The following ANKRD13A variants were observed in gnomAD, a reference collection of about 807,000 sequenced individuals.
ANKRD13A encodes the protein ankyrin repeat domain-containing protein 13A.
ANKRD13A carries 48 observed loss-of-function variants against 81.3 expected under a neutral mutation model. That is an observed-to-expected ratio of 0.59 (90% CI 0.47 to 0.75). The LOEUF (loss-of-function observed/expected upper bound fraction) is 0.75. Among genes scored for constraint, ANKRD13A ranks in the 30% least tolerant of loss-of-function variants. ANKRD13A has a pLI of 0.00. For synonymous variants in ANKRD13A, 230 were observed against 270.1 expected (o/e 0.85, Z 1.45); for missense variants, 612 against 734.0 (o/e 0.83, Z 1.92).
At position 110,016,434 on chromosome 12, in the gene ANKRD13A, G is replaced by A; in HGVS notation, c.400+1G>A. 1.3e-6 allele frequency: 2 copies of A among 1,592,704 alleles called. No individual in the cohort carries two copies. Among genetic ancestry groups the A allele is most frequent in the Non-Finnish European group, 1.7e-6 (2 of 1,165,414 alleles). On this transcript the variant is annotated splice_donor_variant, in intron 4 of 14. Transcript: ENST00000261739. LOFTEE classifies it high-confidence loss of function. ...ATGAAATGGGAATTCACCAGCTGGG[G>A]TGAGTGGCTGTGGGCTCGTTATTTA...
chr12:110,039,555 G>C lies in ANKRD13A; in HGVS notation c.*2001G>C, dbSNP rs1892248810. Reference sequence around the variant, plus strand: ...ACTTCGCTCAGTTCATCACTGCAAAGGTGGCATGCTCCTCCCAGCCTTCCT... The same window carrying C: ...ACTTCGCTCAGTTCATCACTGCAAACGTGGCATGCTCCTCCCAGCCTTCCT... On this transcript the variant is annotated 3_prime_UTR_variant, in exon 15 of 15. Transcript: ENST00000261739. 1 of 152,236 alleles carries C rather than the reference G, an allele frequency of 6.6e-6. No individual in the cohort carries two copies. The highest frequency in any genetic ancestry group is 2.4e-5 in the African/African-American group (1 of 41,452). The allele number at this position is 152,236 out of a possible 1,614,324, so 9.4% of individuals were successfully genotyped here.
chr12:110,002,669 T>C (rs370211635), intron 1 of ANKRD13A, among the ~76,000 whole-genome samples: 1 of 152,130 alleles, frequency 6.6e-6, no homozygotes, highest in African/African-American at 2.4e-5. Context: ...AAAGTGGCTG[T>C]TTCCCTTAAT....
rs537267779 is a variant in ANKRD13A, at chr12:110,028,426, C to T, written c.946-86C>T. ...CTTCCCGGTCTTTAGCTGGTTAACA[C>T]GTCCACCTCAGACACTGAGTGCCAC... On this transcript the variant is annotated intron_variant, in intron 9 of 14. Coordinates refer to ENST00000261739, the MANE Select transcript of ANKRD13A (RefSeq NM_033121.2). The T allele has an allele frequency of 5.9e-5, 89 of 1,502,580 alleles. No individual in the cohort carries two copies. In the East Asian group the frequency reaches 1.1e-3, roughly 19 times the overall value. The allele number at this position is 1,502,580 out of a possible 1,614,324, so 93.1% of individuals were successfully genotyped here. A position where few individuals can be genotyped will look rare whatever the true frequency, so the allele number is the denominator to read the frequency against.
At chr12:110,023,363 T>C (rs1190206456) in intron 6 of ANKRD13A, among the ~76,000 whole-genome samples, 1 of 152,198 alleles carries the variant, frequency 6.6e-6, no homozygotes, top group Non-Finnish European at 1.5e-5. Flanking sequence ...ATGCTGCATC[T>C]GCCACTGGAA....
At chr12:110,022,572 A>G (rs949181568) in intron 6 of ANKRD13A, 1 of 152,210 alleles carries the variant, frequency 6.6e-6, no homozygotes, top group African/African-American at 2.4e-5. Context: ...CCGTCTTCCC[A>G]GCGTGCATGA....
intron 12 of ANKRD13A, among the ~76,000 whole-genome samples, chr12:110,032,094 G>C (rs1335059928): frequency 6.6e-6 from 1 of 152,124 alleles, no homozygotes; most frequent in African/African-American, 2.4e-5. Context: ...CTAGTACAAT[G>C]TTGAGTAAGA....
At position 110,029,320 on chromosome 12, in the gene ANKRD13A, T is replaced by G. The variant is rs1245484932; in HGVS notation, c.1077-158T>G. On this transcript the variant is annotated intron_variant, in intron 10 of 14. Coordinates refer to ENST00000261739, the MANE Select transcript of ANKRD13A (RefSeq NM_033121.2). ...AGATTTTAGGGTGATGTGAATTCCTTGTGGCCCTAGACATTTGACCTTTAA... is the reference window on the plus strand; with the variant it reads ...AGATTTTAGGGTGATGTGAATTCCTGGTGGCCCTAGACATTTGACCTTTAA... 1.8e-5 allele frequency: 13 copies of G among 719,422 alleles called. No homozygotes were observed. The South Asian group carries it at 2.5e-4, about 14-fold the overall frequency. The allele number at this position is 719,422 out of a possible 1,614,324, so 44.6% of individuals were successfully genotyped here.
At chr12:110,025,432 G>A (rs1170549971) in intron 7 of ANKRD13A, among the ~76,000 whole-genome samples, 1 of 152,016 alleles carries the variant, frequency 6.6e-6, no homozygotes, top group African/African-American at 2.4e-5. Flanking sequence ...AGAAACCCAG[G>A]TGGAAACCTA....
Position 110,030,705 on chromosome 12 carries a change from G to A in ANKRD13A, c.1295G>A (p.Ser432Asn). The A allele has an allele frequency of 6.2e-7, 1 of 1,610,948 alleles. No homozygotes were observed. Among genetic ancestry groups the A allele is most frequent in the South Asian group, 1.1e-5 (1 of 90,420 alleles). Residue 432 changes from serine (S) to asparagine (N), a missense_variant, in exon 12 of 15, where the codon AGC becomes AAC. Ser to Asn is a conservative substitution (Grantham distance 46). Coordinates refer to ENST00000261739, the MANE Select transcript of ANKRD13A (RefSeq NM_033121.2). ...RITFGNVNGC[S>N]TAEESVSQNV... ...ACATTTGGAAATGTTAATGGCTGTA[G>A]CACTGCCGAAGAATCTGTATCTCAA... is the stretch of plus-strand genomic sequence containing the variant.
chr12:110,029,679 T>C (rs753007415), intron 11 of ANKRD13A, 44 bp downstream of exon 11: 2 of 1,596,526 alleles, frequency 1.3e-6, no homozygotes, highest in Non-Finnish European at 1.7e-6. Context: ...GTTCTGCCCA[T>C]GTTTGTGGGT....
At chr12:110,033,055 CTT>C (rs1195852066) in intron 12 of ANKRD13A, among the ~76,000 whole-genome samples, 18 of 130,440 alleles carry the variant, frequency 1.4e-4, no homozygotes, top group Non-Finnish European at 1.8e-4. Context: ...TTTTCTTTTT[CTT>C]TTTTTTTTTT....
rs780258923 is a variant in ANKRD13A, at chr12:110,019,142, A to G, written c.548A>G (p.Asn183Ser). ...RRSFIFKGED[N>S]WAELMEVNHD... Reference sequence around the variant, plus strand: ...ATGCCTTTGTTTCCATTAATAGACAACTGGGCGGAGTTAATGGAAGTCAAC... The same window carrying G: ...ATGCCTTTGTTTCCATTAATAGACAGCTGGGCGGAGTTAATGGAAGTCAAC... Residue 183 changes from asparagine (N) to serine (S), a missense_variant, in exon 6 of 15, where the codon AAC becomes AGC. By Grantham distance (46) the Asn-to-Ser change is conservative. Coordinates refer to ENST00000261739, the MANE Select transcript of ANKRD13A (RefSeq NM_033121.2). 2 of 1,588,778 alleles carry G rather than the reference A, an allele frequency of 1.3e-6. No homozygotes were observed. The highest frequency in any genetic ancestry group is 4.5e-5 in the East Asian group (2 of 44,478).
rs756112503 is a variant in ANKRD13A at position 110,037,393 on chromosome 12, G to A, written c.1612G>A (p.Gly538Ser). The change falls in exon 15 of 15, where the codon GGC becomes AGC. Residue 538 changes from glycine to serine, a missense_variant. Physicochemically the swap from Gly to Ser is moderately conservative, Grantham distance 56 (BLOSUM62 0). Transcript: ENST00000261739. Reference protein sequence around the residue: ...IQESLLTSTEGLCPSALSETS... With the variant: ...IQESLLTSTESLCPSALSETS... Reference sequence around the variant, plus strand: ...GGAGAGCCTCCTCACCAGCACAGAAGGCCTGTGCCCCAGCGCCCTGAGCGA... The same window carrying A: ...GGAGAGCCTCCTCACCAGCACAGAAAGCCTGTGCCCCAGCGCCCTGAGCGA... 6.2e-7 allele frequency: 1 copy of A among 1,614,072 alleles called. No homozygotes were observed. Among genetic ancestry groups the A allele is most frequent in the East Asian group, 2.2e-5 (1 of 44,894 alleles).
Position 109,999,603 on chromosome 12 carries a change from C to T in ANKRD13A, c.-86C>T. On this transcript the variant is annotated 5_prime_UTR_variant, in exon 1 of 15. Transcript: ENST00000261739. The surrounding 1 kb of genome is among the most constrained non-coding windows in gnomAD (Gnocchi z 4.3). The stretch of plus-strand genomic sequence containing the variant: ...GCCCTACGCTCGCTTGCTCGCCGGC[C>T]TCAGGGCAGGCAGGCGGGCGCGGGA... 1 of 1,174,080 alleles carries T rather than the reference C, an allele frequency of 8.5e-7. No homozygotes were observed. The highest frequency in any genetic ancestry group is 1.6e-5 in the South Asian group (1 of 61,692). The allele number at this position is 1,174,080 out of a possible 1,614,324, so 72.7% of individuals were successfully genotyped here.
intron 9 of ANKRD13A, 164 bp downstream of exon 9, chr12:110,027,930 T>A (rs2137158526): frequency 3.2e-6 from 2 of 632,590 alleles, no homozygotes; most frequent in East Asian, 5.5e-5. Flanking sequence ...ATTAGATGAG[T>A]GACTCTTTGA....
rs1443121457 is a variant in ANKRD13A, at chr12:110,029,493, G to T, written c.1092G>T (p.Leu364Phe). The T allele has an allele frequency of 6.2e-7, 1 of 1,613,174 alleles. No homozygotes were observed. The highest frequency in any genetic ancestry group is 1.7e-5 in the Admixed American group (1 of 59,988). Residue 364 changes from leucine to phenylalanine, a missense_variant, in exon 11 of 15, where the codon TTG becomes TTT. Coordinates refer to ENST00000261739, the MANE Select transcript of ANKRD13A (RefSeq NM_033121.2). Reference sequence around the variant, plus strand: ...AATTCTGCAGGTTTAAAGCAATGTTGTGGATGTGTGAAGAGTTTCCCCTCT... The same window carrying T: ...AATTCTGCAGGTTTAAAGCAATGTTTTGGATGTGTGAAGAGTTTCCCCTCT... Reference protein sequence around the residue: ...TIRTQKFKAMLWMCEEFPLSL... With the variant: ...TIRTQKFKAMFWMCEEFPLSL...
In ANKRD13A at chr12:110,036,457, T is replaced by C. The variant is rs756615077; in HGVS notation, c.1577+129T>C. The C allele has an allele frequency of 9.8e-5, 99 of 1,007,692 alleles. No individual in the cohort carries two copies. The highest frequency in any genetic ancestry group is 1.5e-4 in the Non-Finnish European group (95 of 642,208). The allele number at this position is 1,007,692 out of a possible 1,614,324, so 62.4% of individuals were successfully genotyped here. On this transcript the variant is annotated intron_variant, in intron 14 of 14. Coordinates refer to ENST00000261739, the MANE Select transcript of ANKRD13A (RefSeq NM_033121.2). The surrounding 1 kb of genome is among the most constrained non-coding windows in gnomAD (Gnocchi z 4.6). ...GGTGCCACAAACTGGCAGGAAAGACTAGAAAAAGTAGGCCAGGAGCGGTGG... is the reference window on the plus strand; with the variant it reads ...GGTGCCACAAACTGGCAGGAAAGACCAGAAAAAGTAGGCCAGGAGCGGTGG...
chr12:110,008,405 A>G (rs956055687), intron 1 of ANKRD13A, among the ~76,000 whole-genome samples: 3 of 152,182 alleles, frequency 2.0e-5, no homozygotes, highest in African/African-American at 7.2e-5. Context: ...GTTTGCCAGT[A>G]TATCGTGGAG....
rs1338548460 is a variant in ANKRD13A at position 110,028,518 on chromosome 12, A to C, written c.952A>C (p.Thr318Pro). Residue 318 changes from threonine (T) to proline (P), a missense_variant, in exon 10 of 15, where the codon ACC (threonine) becomes CCC (proline). Coordinates refer to ENST00000261739, the MANE Select transcript of ANKRD13A (RefSeq NM_033121.2). ...EHQFGAQGDL[T>P]TECATANNPT... ...CTGAGTTCTGGCTCAGCAGGACCTC[A>C]CCACGGAATGTGCTACTGCAAACAA... 6.2e-7 allele frequency: 1 copy of C among 1,614,070 alleles called. No individual in the cohort carries two copies. The highest frequency in any genetic ancestry group is 8.5e-7 in the Non-Finnish European group (1 of 1,179,972).
Sources: allele counts gnomAD v4.1 joint callset (sites outside exome capture counted in the v4.1 genomes callset), GRCh38; gene constraint gnomAD v4.1.1; non-coding constraint Gnocchi (gnomAD v3.1); transcripts MANE v1.5; gene names NCBI Gene and HGNC (gene_info 2026-07-23, HGNC 2026-07-21).